The following KALRN variants were observed in gnomAD, a reference collection of about 807,000 sequenced individuals.
KALRN encodes the protein kalirin.
A neutral mutation model predicts 353.7 loss-of-function variants in KALRN; 70 were observed. That is an observed-to-expected ratio of 0.20 (90% confidence interval 0.16 to 0.24). The LOEUF (loss-of-function observed/expected upper bound fraction) is 0.24, where lower values mean the gene tolerates loss of function less well. KALRN is among the 10% of genes least tolerant of loss of function. The pLI is 1.00. For synonymous variants in KALRN, 1,391 were observed against 1,434.8 expected (o/e 0.97, Z 0.69); for missense variants, 2,791 against 3,756.7 (o/e 0.74, Z 6.72).
At chr3:124,501,780 T>G (rs1477741990) in intron 33 of KALRN, among the ~76,000 whole-genome samples, 1 of 152,202 alleles carries the variant, frequency 6.6e-6, no homozygotes, top group African/African-American at 2.4e-5. Context: ...ACTTCGTTCA[T>G]GAACTGTGCA....
intron 1 of KALRN, among the ~76,000 whole-genome samples, chr3:124,050,594 A>C (rs757045849): frequency 2.0e-5 from 3 of 152,166 alleles, no homozygotes; most frequent in African/African-American, 4.8e-5. Flanking sequence ...TTGAGCCTTA[A>C]GGTGGGAGTA....
intron 44 of KALRN, among the ~76,000 whole-genome samples, chr3:124,661,413 G>C (rs565366750): frequency 6.6e-6 from 1 of 152,210 alleles, no homozygotes; most frequent in Non-Finnish European, 1.5e-5. Flanking sequence ...TTGAGACAAT[G>C]TCACTATGGG....
intron 21 of KALRN, among the ~76,000 whole-genome samples, chr3:124,451,535 T>C (rs2058781237): frequency 6.6e-6 from 1 of 152,178 alleles, no homozygotes; most frequent in African/African-American, 2.4e-5. Context: ...ACTGCTGCAG[T>C]CTGACCCCAT....
chr3:124,528,712 A>G (rs928224565), intron 33 of KALRN, among the ~76,000 whole-genome samples: 1 of 152,194 alleles, frequency 6.6e-6, no homozygotes, highest in Non-Finnish European at 1.5e-5. Context: ...TGCCATTGCT[A>G]TGTTGAAAAA....
At chr3:124,457,709 A>G (rs2059456701) in intron 23 of KALRN, among the ~76,000 whole-genome samples, 1 of 152,122 alleles carries the variant, frequency 6.6e-6, no homozygotes, top group Non-Finnish European at 1.5e-5. Context: ...TTTTCCCCAA[A>G]CCACACAGAT....
intron 28 of KALRN, among the ~76,000 whole-genome samples, chr3:124,487,560 C>T (rs1473041359): frequency 2.6e-5 from 4 of 152,176 alleles, no homozygotes; most frequent in Non-Finnish European, 1.5e-5. Flanking sequence ...CTCTCTTAAT[C>T]GCACTTACCT....
At chr3:124,568,481 A>G (rs2073126055) in intron 34 of KALRN, among the ~76,000 whole-genome samples, 1 of 152,242 alleles carries the variant, frequency 6.6e-6, no homozygotes, top group Admixed American at 6.5e-5. Context: ...TTATCATATC[A>G]TCTAGCAATC....
chr3:124,292,980 C>G (rs2076548406), intron 5 of KALRN, among the ~76,000 whole-genome samples: 1 of 152,170 alleles, frequency 6.6e-6, no homozygotes, highest in African/African-American at 2.4e-5. Flanking sequence ...GTTTATACAG[C>G]AGAGTCTGTA....
chr3:124,082,151 A>G (rs2060574564), intron 1 of KALRN: 2 of 418,530 alleles, frequency 4.8e-6, no homozygotes, highest in Admixed American at 2.9e-5. Context: ...ATCAGGCTGC[A>G]TGGCTTCCCG....
Position 124,657,552 on chromosome 3 carries a change from G to A in KALRN, c.5966+1G>A. ...ATCAGATTTATGACTGGCATAAGGAGTAAGTGTTAATGCTGCCCCGAGGAT... is the reference window on the plus strand; with the variant it reads ...ATCAGATTTATGACTGGCATAAGGAATAAGTGTTAATGCTGCCCCGAGGAT... On this transcript the variant is annotated splice_donor_variant, in intron 40 of 59. Transcript: ENST00000682506. LOFTEE classifies it high-confidence loss of function. 1 of 1,609,934 alleles carries A rather than the reference G, an allele frequency of 6.2e-7. No individual in the cohort carries two copies. Among genetic ancestry groups the A allele is most frequent in the African/African-American group, 1.3e-5 (1 of 74,964 alleles).
chr3:124,650,474 T>A (rs956301658), intron 37 of KALRN, among the ~76,000 whole-genome samples: 2 of 152,236 alleles, frequency 1.3e-5, no homozygotes, highest in Admixed American at 6.5e-5. Context: ...ACTTGTTTTC[T>A]TTTGTAACTG....
At chr3:124,454,672 T>TTC (rs2059130060) in intron 21 of KALRN, among the ~76,000 whole-genome samples, 1 of 12,968 alleles carries the variant, frequency 7.7e-5, no homozygotes, top group South Asian at 4.0e-3. Context: ...ACTGAAAATG[T>TTC]TTTTTTTTCA....
chr3:124,489,478 A>T (rs1168032369), intron 29 of KALRN, among the ~76,000 whole-genome samples: 2 of 152,118 alleles, frequency 1.3e-5, no homozygotes, highest in African/African-American at 4.8e-5. Flanking sequence ...TACGGTCTCC[A>T]TACTTCCCAG....
At chr3:124,458,778 A>G (rs2059580604) in intron 23 of KALRN, among the ~76,000 whole-genome samples, 1 of 151,960 alleles carries the variant, frequency 6.6e-6, no homozygotes, top group Admixed American at 6.6e-5. Flanking sequence ...AAAAAAAAAT[A>G]CAAAACTTAG....
intron 1 of KALRN, among the ~76,000 whole-genome samples, chr3:124,095,196 T>C (rs1402375055): frequency 3.3e-5 from 5 of 152,104 alleles, no homozygotes; most frequent in African/African-American, 1.2e-4. Context: ...TCTAGTCAAA[T>C]ACAAGTTAAG....
At chr3:124,682,683 T>C (rs2061395369) in intron 51 of KALRN, among the ~76,000 whole-genome samples, 1 of 152,210 alleles carries the variant, frequency 6.6e-6, no homozygotes, top group Non-Finnish European at 1.5e-5. Flanking sequence ...GGCTGGCATT[T>C]GTCCCACCAT....
At chr3:124,298,730 A>T (rs557223473) in intron 5 of KALRN, 61 bp from the exon 6 acceptor site, 1 of 1,596,924 alleles carries the variant, frequency 6.3e-7, no homozygotes, top group Non-Finnish European at 8.6e-7. Context: ...TAGCTCTGAA[A>T]GTTTTGCCCT....
At chr3:124,680,136 C>T (rs60605401) in intron 51 of KALRN, among the ~76,000 whole-genome samples, 180 of 152,350 alleles carry the variant, frequency 1.2e-3, no homozygotes, top group African/African-American at 4.3e-3. Context: ...CTGTGCCCAC[C>T]GTGTGAAGGA....
chr3:124,423,917 G>T (rs914208617), intron 15 of KALRN, among the ~76,000 whole-genome samples: 1 of 152,186 alleles, frequency 6.6e-6, no homozygotes, highest in African/African-American at 2.4e-5. Flanking sequence ...AACAGACTAA[G>T]TGGTAATTGT....
Sources: allele counts gnomAD v4.1 joint callset (sites outside exome capture counted in the v4.1 genomes callset), GRCh38; gene constraint gnomAD v4.1.1; transcripts MANE v1.5; gene names NCBI Gene and HGNC (gene_info 2026-07-23, HGNC 2026-07-21).